The following PTPRD variants were observed in gnomAD, a reference collection of about 807,000 sequenced individuals.
PTPRD encodes receptor-type tyrosine-protein phosphatase delta.
A neutral mutation model predicts 214.5 loss-of-function variants in PTPRD; 34 were observed. The observed-to-expected ratio is 0.16, with a 90% CI of 0.12 to 0.21. The LOEUF is 0.21. PTPRD is among the 10% of genes least tolerant of loss of function. The pLI, the probability that PTPRD is intolerant of heterozygous loss-of-function variation, is 1.00. For missense variants in PTPRD, 2,545 were observed against 2,398.7 expected (o/e 1.06, Z -1.27); for synonymous variants, 1,128 against 845.7 (o/e 1.33, Z -5.79).
chr9:10,360,225 G>C (rs1186126616), intron 2 of PTPRD, among the ~76,000 whole-genome samples: 2 of 152,226 alleles, frequency 1.3e-5, no homozygotes, highest in South Asian at 4.1e-4. Flanking sequence ...CAGTCACTCA[G>C]AGCAAGTTGG....
intron 2 of PTPRD, among the ~76,000 whole-genome samples, chr9:10,599,782 T>G (rs2077510879): frequency 6.6e-6 from 1 of 151,780 alleles, no homozygotes; most frequent in African/African-American, 2.4e-5. Flanking sequence ...TCTCCTTCAC[T>G]TCTCGAAGTT....
intron 8 of PTPRD, among the ~76,000 whole-genome samples, chr9:9,481,204 T>G (rs971065275): frequency 1.3e-5 from 2 of 152,036 alleles, no homozygotes; most frequent in Non-Finnish European, 2.9e-5. Flanking sequence ...TAATGAGATA[T>G]TTTTAGTATT....
intron 33 of PTPRD, among the ~76,000 whole-genome samples, chr9:8,454,182 G>A (rs953991672): frequency 6.6e-6 from 1 of 152,088 alleles, no homozygotes; most frequent in Non-Finnish European, 1.5e-5. Context: ...AATATCATTA[G>A]GTGATCTGTA....
chr9:9,974,934 T>C (rs2095296229), intron 4 of PTPRD, among the ~76,000 whole-genome samples: 1 of 152,116 alleles, frequency 6.6e-6, no homozygotes, highest in Non-Finnish European at 1.5e-5. Flanking sequence ...ATATTTATAG[T>C]ATATTAAGGG....
At position 9,651,846 on chromosome 9, in the gene PTPRD, T is replaced by G. The variant is rs573542486; in HGVS notation, c.-286-77065A>C. On this transcript the variant is annotated intron_variant, in intron 7 of 45. Coordinates refer to ENST00000381196, the MANE Select transcript of PTPRD (RefSeq NM_002839.4). ...GGTTTGTTTTTTTTTTTTTTTTTTTTTTTTTTTTAATGGAGTCTCGCTCTG... is the reference window on the plus strand; with the variant it reads ...GGTTTGTTTTTTTTTTTTTTTTTTTGTTTTTTTTAATGGAGTCTCGCTCTG... Among the ~76,000 whole-genome samples, 32 of 137,934 alleles carry G rather than the reference T, an allele frequency of 2.3e-4. 1 individual carries two copies. In the East Asian group the frequency reaches 5.0e-3, roughly 22 times the overall value. 90.5% of individuals were successfully genotyped at this position (137,934 alleles called of 152,430 possible). A position where few individuals can be genotyped will look rare whatever the true frequency, so the allele number is the denominator to read the frequency against.
intron 11 of PTPRD, chr9:8,861,040 C>G (rs2098093007): frequency 6.6e-6 from 1 of 152,194 alleles, no homozygotes; most frequent in Admixed American, 6.5e-5. Flanking sequence ...CCTTCCAGCT[C>G]TAACATTCTG....
At chr9:10,186,104 A>G (rs1420761346) in intron 3 of PTPRD, among the ~76,000 whole-genome samples, 3 of 151,132 alleles carry the variant, frequency 2.0e-5, no homozygotes, top group Admixed American at 2.0e-4. Context: ...TTTTTTATTG[A>G]GGGCAGTATG....
intron 35 of PTPRD, among the ~76,000 whole-genome samples, chr9:8,410,338 G>C (rs1212046974): frequency 6.6e-6 from 1 of 152,182 alleles, no homozygotes; most frequent in South Asian, 2.1e-4. Context: ...AGAGAACAGG[G>C]TGTTAGCTTT....
At chr9:9,332,318 A>G (rs1363583006) in intron 9 of PTPRD, among the ~76,000 whole-genome samples, 2 of 151,962 alleles carry the variant, frequency 1.3e-5, no homozygotes, top group East Asian at 1.9e-4. Context: ...ACATATATAC[A>G]CTCACAATGC....
At chr9:10,288,992 C>A (rs1000633766) in intron 3 of PTPRD, among the ~76,000 whole-genome samples, 1 of 151,354 alleles carries the variant, frequency 6.6e-6, no homozygotes, top group Non-Finnish European at 1.5e-5. Context: ...CAAGACAAAG[C>A]TCCCTAACTT....
chr9:8,386,384 C>G (rs1227421305), intron 37 of PTPRD, among the ~76,000 whole-genome samples: 1 of 152,212 alleles, frequency 6.6e-6, no homozygotes, highest in Non-Finnish European at 1.5e-5. Flanking sequence ...CAGTGGCAGT[C>G]TAGCATACTT....
intron 43 of PTPRD, among the ~76,000 whole-genome samples, chr9:8,332,900 C>CATT (rs1354079917): frequency 6.6e-6 from 1 of 152,188 alleles, no homozygotes; most frequent in Non-Finnish European, 1.5e-5. Flanking sequence ...TCTGTTAACA[C>CATT]ATTATTTCCT....
intron 7 of PTPRD, among the ~76,000 whole-genome samples, chr9:9,659,346 A>G (rs1285905299): frequency 1.3e-5 from 2 of 152,108 alleles, no homozygotes; most frequent in East Asian, 3.9e-4. Flanking sequence ...GAGAGAAAAA[A>G]TTTCAACAAA....
intron 4 of PTPRD, among the ~76,000 whole-genome samples, chr9:9,951,460 A>C (rs921966302): frequency 2.0e-5 from 3 of 152,208 alleles, no homozygotes; most frequent in Admixed American, 2.0e-4. Context: ...TTCATGAGAA[A>C]CTATGTCCTA....
At chr9:10,203,221 C>G (rs1160822876) in intron 3 of PTPRD, among the ~76,000 whole-genome samples, 1 of 141,224 alleles carries the variant, frequency 7.1e-6, no homozygotes, top group Non-Finnish European at 1.5e-5. Flanking sequence ...AGGAAGTATT[C>G]ATGTGTTATT....
rs1196560098 is a variant in PTPRD, at chr9:10,009,697, G to A, written c.-472+24021C>T. Among the ~76,000 whole-genome samples the A allele has an allele frequency of 2.8e-5, 3 of 105,582 alleles. No homozygotes were observed. In the East Asian group the frequency reaches 7.0e-4, roughly 24 times the overall value. The allele number at this position is 105,582 out of a possible 152,430, so 69.3% of individuals were successfully genotyped here. On this transcript the variant is annotated intron_variant, in intron 4 of 45. Transcript: ENST00000381196. Reference sequence around the variant, plus strand: ...TCAGAAAAAGATCTGGAAAGGGAAGGGGATTTACGGAATGAAAGTTTCTCC... The same window carrying A: ...TCAGAAAAAGATCTGGAAAGGGAAGAGGATTTACGGAATGAAAGTTTCTCC...
intron 4 of PTPRD, among the ~76,000 whole-genome samples, chr9:9,986,972 A>C (rs1271067846): frequency 6.6e-6 from 1 of 152,174 alleles, no homozygotes; most frequent in Non-Finnish European, 1.5e-5. Context: ...CTGAACAGGA[A>C]TAACTTTTAG....
chr9:9,201,917 A>G (rs1360383700), intron 9 of PTPRD, among the ~76,000 whole-genome samples: 6 of 152,228 alleles, frequency 3.9e-5, no homozygotes. Flanking sequence ...TGTGATCATT[A>G]CCCTCAAGAA....
rs979429422 is a variant in PTPRD, at chr9:9,987,253, A to G, written c.-472+46465T>C. On this transcript the variant is annotated intron_variant, in intron 4 of 45. Transcript: ENST00000381196. ...TTACATATATGATTAGTACTTACAT[A>G]TTAACATCAAATAATAATTTCATAG... 2.0e-5 allele frequency among the ~76,000 whole-genome samples: 3 copies of G among 152,330 alleles called. No homozygotes were observed. The South Asian group carries it at 6.2e-4, about 32-fold the overall frequency.
Sources: gnomAD v4.1 joint callset for allele counts (sites outside exome capture counted in the v4.1 genomes callset) on GRCh38, gnomAD v4.1.1 for gene constraint, MANE v1.5 for transcripts, NCBI Gene and HGNC (gene_info 2026-07-23, HGNC 2026-07-21) for gene names.